The following NAALADL2 variants were observed in gnomAD, a reference collection of about 807,000 sequenced individuals.
The protein encoded by NAALADL2 is inactive N-acetylated-alpha-linked acidic dipeptidase-like protein 2.
Under a neutral mutation model 87.2 loss-of-function variants are expected in NAALADL2, and 76 were observed. The ratio of observed to expected loss-of-function variants is 0.87; its 90% CI spans 0.72 to 1.05. The LOEUF is 1.05. Among genes scored for constraint, NAALADL2 ranks in the 50% least tolerant of loss-of-function variants. The probability of loss-of-function intolerance (pLI) is 0.00; values close to 1 mark genes in which losing one functional copy is unlikely to be tolerated. For missense variants in NAALADL2, 1,089 were observed against 945.8 expected (o/e 1.15, Z -1.99); for synonymous variants, 354 against 331.0 (o/e 1.07, Z -0.75).
intron 11 of NAALADL2, among the ~76,000 whole-genome samples, chr3:175,664,831 G>A (rs1346127237): frequency 6.6e-6 from 1 of 151,994 alleles, no homozygotes; most frequent in Non-Finnish European, 1.5e-5. Context: ...ATTTGATTAA[G>A]TGGTTTGATT....
chr3:175,491,535 A>C (rs1191953384), intron 9 of NAALADL2, among the ~76,000 whole-genome samples: 1 of 152,232 alleles, frequency 6.6e-6, no homozygotes, highest in African/African-American at 2.4e-5. Flanking sequence ...AAAGTTTAAA[A>C]ATCATTCCCG....
chr3:174,527,319 GA>G (rs999717202), intron 1 of NAALADL2, among the ~76,000 whole-genome samples: 4 of 151,970 alleles, frequency 2.6e-5, no homozygotes, highest in Non-Finnish European at 5.9e-5. Context: ...AGGAGTTAGA[GA>G]ACAGCCTGGC....
chr3:175,588,378 T>C lies in NAALADL2; in HGVS notation c.1800+12191T>C, dbSNP rs996554972. ...AATACAGCAAACCATTCCCAGGATA[T>C]GGTTGAAAATAGATTTCAAAATATA... On this transcript the variant is annotated intron_variant, in intron 10 of 13. Coordinates refer to ENST00000454872, the MANE Select transcript of NAALADL2 (RefSeq NM_207015.3). Among the ~76,000 whole-genome samples, 10 of 151,968 alleles carry C rather than the reference T, an allele frequency of 6.6e-5. No homozygotes were observed. In the East Asian group the frequency reaches 1.9e-3, roughly 29 times the overall value.
intron 11 of NAALADL2, among the ~76,000 whole-genome samples, chr3:175,705,718 G>C (rs768007028): frequency 2.6e-5 from 4 of 152,034 alleles, no homozygotes; most frequent in Non-Finnish European, 5.9e-5. Context: ...CTGAAATTCA[G>C]ATATAAAAAA....
intron 1 of NAALADL2, among the ~76,000 whole-genome samples, chr3:175,083,851 T>G (rs977674802): frequency 6.6e-6 from 1 of 152,200 alleles, no homozygotes; most frequent in Admixed American, 6.5e-5. Context: ...GCTATACCTA[T>G]TTTGAAACTA....
At chr3:175,228,469 G>T (rs1041542876) in intron 2 of NAALADL2, among the ~76,000 whole-genome samples, 1 of 151,374 alleles carries the variant, frequency 6.6e-6, no homozygotes, top group Non-Finnish European at 1.5e-5. Context: ...TACTTTGAAG[G>T]ACTACTATCC....
chr3:175,203,691 C>T (rs887960541), intron 2 of NAALADL2, among the ~76,000 whole-genome samples: 1 of 141,242 alleles, frequency 7.1e-6, no homozygotes, highest in South Asian at 2.3e-4. Context: ...ATTGATAGAC[C>T]TTTAGCAAGA....
At chr3:175,206,739 T>C (rs1740984009) in intron 2 of NAALADL2, among the ~76,000 whole-genome samples, 1 of 151,924 alleles carries the variant, frequency 6.6e-6, no homozygotes, top group South Asian at 2.1e-4. Context: ...AAACCAACAT[T>C]TGGGAATGAT....
intron 3 of NAALADL2, among the ~76,000 whole-genome samples, chr3:174,773,674 C>T (rs1017679390): frequency 3.3e-5 from 5 of 152,080 alleles, no homozygotes; most frequent in South Asian, 2.1e-4. Flanking sequence ...GAGAAACTAG[C>T]GGTAAGTGGG....
chr3:175,688,276 T>G (rs1057291316), intron 11 of NAALADL2, among the ~76,000 whole-genome samples: 1 of 152,134 alleles, frequency 6.6e-6, no homozygotes, highest in African/African-American at 2.4e-5. Context: ...TTTCTTGGTA[T>G]TTATTATGTT....
chr3:174,890,830 A>G (rs1730785766), intron 1 of NAALADL2, among the ~76,000 whole-genome samples: 1 of 152,218 alleles, frequency 6.6e-6, no homozygotes, highest in South Asian at 2.1e-4. Context: ...AGATAGGAAA[A>G]TCATAAAAAA....
intron 4 of NAALADL2, among the ~76,000 whole-genome samples, chr3:175,318,902 G>A (rs925512885): frequency 2.4e-4 from 37 of 152,122 alleles, no homozygotes; most frequent in Non-Finnish European, 1.5e-5. Context: ...TTTTTAGTCT[G>A]CCTTCTTTCA....
intron 9 of NAALADL2, among the ~76,000 whole-genome samples, chr3:175,543,884 A>C (rs888359586): frequency 6.6e-6 from 1 of 152,210 alleles, no homozygotes; most frequent in Non-Finnish European, 1.5e-5. Flanking sequence ...AAAAATGTGG[A>C]ATTTTGATAG....
chr3:175,641,584 A>C (rs1448668140), intron 11 of NAALADL2, among the ~76,000 whole-genome samples: 1 of 152,206 alleles, frequency 6.6e-6, no homozygotes, highest in Non-Finnish European at 1.5e-5. Context: ...TCTCAATGCA[A>C]GTCTTCTAAG....
intron 2 of NAALADL2, among the ~76,000 whole-genome samples, chr3:175,150,194 C>T (rs921190560): frequency 4.6e-5 from 7 of 152,094 alleles, no homozygotes; most frequent in East Asian, 1.9e-4. Context: ...GAATCAGATG[C>T]AAATGTTTTG....
At chr3:175,096,490 T>C (rs1051679536) in intron 1 of NAALADL2, among the ~76,000 whole-genome samples, 2 of 132,726 alleles carry the variant, frequency 1.5e-5, no homozygotes, top group Non-Finnish European at 3.2e-5. Context: ...CAAAGATTAA[T>C]GGGGCGTGTG....
intron 11 of NAALADL2, among the ~76,000 whole-genome samples, chr3:175,639,315 A>ATTTTTTT (rs1728965438): frequency 1.4e-4 from 13 of 96,184 alleles, no homozygotes; most frequent in Admixed American, 2.7e-4. Flanking sequence ...CAAAAGCGTT[A>ATTTTTTT]TTCTTTTTTT....
intron 2 of NAALADL2, among the ~76,000 whole-genome samples, chr3:174,562,014 A>G (rs145079792): frequency 3.5e-4 from 53 of 152,152 alleles, no homozygotes; most frequent in African/African-American, 1.3e-3. Context: ...TAATCACTAT[A>G]ACTAAATTTT....
intron 3 of NAALADL2, among the ~76,000 whole-genome samples, chr3:174,797,589 A>G (rs574633767): frequency 3.3e-5 from 5 of 152,002 alleles, no homozygotes; most frequent in Non-Finnish European, 7.4e-5. Flanking sequence ...CTCTGCTATT[A>G]TAACCTGGTA....
Sources: allele counts gnomAD v4.1 joint callset (sites outside exome capture counted in the v4.1 genomes callset), GRCh38; gene constraint gnomAD v4.1.1; transcripts MANE v1.5; gene names NCBI Gene and HGNC (gene_info 2026-07-23, HGNC 2026-07-21).